Variants in CCND3 observed in about 807,000 individuals in gnomAD.
The protein encoded by CCND3 is G1/S-specific cyclin-D3.
Under a neutral mutation model 28.7 loss-of-function variants are expected in CCND3, and 9 were observed. The ratio of observed to expected loss-of-function variants is 0.31; its 90% CI spans 0.19 to 0.55. The LOEUF (loss-of-function observed/expected upper bound fraction) is 0.55, where lower values mean the gene tolerates loss of function less well. CCND3 is among the 20% of genes least tolerant of loss of function. CCND3 has a pLI of 0.93. For synonymous variants in CCND3, 164 were observed against 163.9 expected (o/e 1.00, Z 0.00); for missense variants, 315 against 385.8 (o/e 0.82, Z 1.54).
intron 1 of CCND3, among the ~76,000 whole-genome samples, chr6:42,010,020 C>A (rs1582158906): frequency 6.6e-6 from 1 of 152,128 alleles, no homozygotes; most frequent in South Asian, 2.1e-4. Flanking sequence ...GCTTGGAGAA[C>A]CTTTGTTCTA....
At chr6:41,959,427 G>T (rs1284175709) in intron 1 of CCND3, among the ~76,000 whole-genome samples, 2 of 149,256 alleles carry the variant, frequency 1.3e-5, no homozygotes, top group South Asian at 2.1e-4. Context: ...ACGCCTGTGA[G>T]CCAGGCCAGC....
At position 41,936,143 on chromosome 6, in the gene CCND3, C is replaced by T. The variant is rs563728371; in HGVS notation, c.712-36G>A. 10 of 1,530,802 alleles carry T rather than the reference C, an allele frequency of 6.5e-6. No individual in the cohort carries two copies. The East Asian group carries it at 1.6e-4, about 24-fold the overall frequency. 94.8% of individuals were successfully genotyped at this position (1,530,802 alleles called of 1,614,324 possible). A position where few individuals can be genotyped will look rare whatever the true frequency, so the allele number is the denominator to read the frequency against. On this transcript the variant is annotated intron_variant, in intron 4 of 4. Transcript: ENST00000372991. This position sits in a 1 kb window ranked among gnomAD's most constrained non-coding sequence, Gnocchi z 4.4. ...GGGAGAAGAGTGAGGAGCAAACACT[C>T]CCCCCATAGCATCTGGCAGCAGGTG... is the stretch of plus-strand genomic sequence containing the variant.
At chr6:41,998,423 A>G (rs1184162910) in intron 1 of CCND3, among the ~76,000 whole-genome samples, 5 of 146,286 alleles carry the variant, frequency 3.4e-5, no homozygotes, top group African/African-American at 7.6e-5. Flanking sequence ...ATCTCAGCTC[A>G]CCGCAACCTC....
At chr6:42,013,305 C>T (rs1162233514) in intron 1 of CCND3, among the ~76,000 whole-genome samples, 1 of 152,098 alleles carries the variant, frequency 6.6e-6, no homozygotes, top group Non-Finnish European at 1.5e-5. Flanking sequence ...CAACTTAAAC[C>T]ACGGTTTTCT....
At chr6:41,953,488 A>G (rs1321298930) in intron 1 of CCND3, among the ~76,000 whole-genome samples, 2 of 152,040 alleles carry the variant, frequency 1.3e-5, no homozygotes, top group Non-Finnish European at 2.9e-5. Flanking sequence ...CTGCAGTAGT[A>G]GGTAAATCCA....
At chr6:41,965,060 T>C (rs1470647056) in intron 1 of CCND3, among the ~76,000 whole-genome samples, 1 of 2,460 alleles carries the variant, frequency 4.1e-4, no homozygotes, top group Non-Finnish European at 4.2e-3. Flanking sequence ...TCACGTTGCT[T>C]TTTTTTTTTT....
upstream of CCND3, among the ~76,000 whole-genome samples, chr6:41,942,872 C>CTTTTTTTT (rs60884050): frequency 4.8e-5 from 4 of 82,580 alleles, no homozygotes; most frequent in Non-Finnish European, 6.7e-5. Context: ...GTTAATTATT[C>CTTTTTTTT]TTTTTTTTTT....
chr6:42,031,000 C>T (rs1764025926), intron 1 of CCND3, among the ~76,000 whole-genome samples: 1 of 152,080 alleles, frequency 6.6e-6, no homozygotes, highest in African/African-American at 2.4e-5. Context: ...GGAGCTCATT[C>T]TCCTGGGGGC....
intron 1 of CCND3, among the ~76,000 whole-genome samples, chr6:42,027,439 CA>C (rs5875782): frequency 1.1e-3 from 139 of 132,196 alleles, no homozygotes; most frequent in South Asian, 2.7e-3. Context: ...GGCTCCATCT[CA>C]AAAAAAAAAA....
At chr6:41,995,692 T>C (rs1490160145) in intron 1 of CCND3, among the ~76,000 whole-genome samples, 1 of 152,182 alleles carries the variant, frequency 6.6e-6, no homozygotes, top group Admixed American at 6.5e-5. Flanking sequence ...CACTGAGTTG[T>C]CTTTGGGCAT....
At chr6:41,992,525 T>C (rs1393402946) in intron 1 of CCND3, among the ~76,000 whole-genome samples, 1 of 141,178 alleles carries the variant, frequency 7.1e-6, no homozygotes, top group Non-Finnish European at 1.5e-5. Flanking sequence ...AGTGGCTCAC[T>C]GCAACCTCCA....
chr6:41,949,903 G>A (rs191505596), intron 1 of CCND3, among the ~76,000 whole-genome samples: 1 of 150,710 alleles, frequency 6.6e-6, no homozygotes, highest in Admixed American at 6.6e-5. Flanking sequence ...GACCATCCTG[G>A]CTAACACGAT....
Position 41,941,139 on chromosome 6 carries a change from G to A in CCND3, c.198+313C>T. ...AGGCGCGCTCTCCGGAGAAGGCCGG[G>A]AGGCGGAGGGAAGCGGGAGACGCTG... is the stretch of plus-strand genomic sequence containing the variant. On this transcript the variant is annotated intron_variant, in intron 1 of 4. Transcript: ENST00000372991. The surrounding 1 kb of genome is among the most constrained non-coding windows in gnomAD (Gnocchi z 6.1). 1 of 1,480,922 alleles carries A rather than the reference G, an allele frequency of 6.8e-7. No homozygotes were observed. Among genetic ancestry groups the A allele is most frequent in the South Asian group, 1.4e-5 (1 of 72,270 alleles). The allele number at this position is 1,480,922 out of a possible 1,614,324, so 91.7% of individuals were successfully genotyped here.
chr6:41,985,032 T>TTA (rs1401778565), intron 1 of CCND3, among the ~76,000 whole-genome samples: 3 of 152,208 alleles, frequency 2.0e-5, no homozygotes, highest in African/African-American at 7.2e-5. Flanking sequence ...CATAAGTTCC[T>TTA]TATATATTTT....
intron 1 of CCND3, among the ~76,000 whole-genome samples, chr6:41,959,584 G>A (rs1227421188): frequency 6.7e-6 from 1 of 148,528 alleles, no homozygotes; most frequent in Admixed American, 6.7e-5. Context: ...CTCGGGATGG[G>A]GGCTGAGGCA....
chr6:42,009,450 A>G (rs1244203742), intron 1 of CCND3, among the ~76,000 whole-genome samples: 2 of 152,148 alleles, frequency 1.3e-5, no homozygotes, highest in Non-Finnish European at 2.9e-5. Context: ...TGTCTCTACT[A>G]AAAATACAAA....
At chr6:41,956,514 A>C (rs1397646098) in intron 1 of CCND3, among the ~76,000 whole-genome samples, 1 of 152,096 alleles carries the variant, frequency 6.6e-6, no homozygotes, top group Non-Finnish European at 1.5e-5. Flanking sequence ...CCCTGCTTGC[A>C]ACTTACACAT....
chr6:41,978,955 T>C (rs2127411232), intron 1 of CCND3, among the ~76,000 whole-genome samples: 1 of 151,356 alleles, frequency 6.6e-6, no homozygotes, highest in South Asian at 2.1e-4. Context: ...GCGGATTACC[T>C]GAGGTCAGGA....
rs201272551 is a variant in CCND3 at position 41,936,624 on chromosome 6, C to T, written c.646G>A (p.Gly216Ser). ...TCATCCCCGGACATGGAGCAGGCACCCAGGCCTTGCACTGCAGCCCCAATG... is the reference window on the plus strand; with the variant it reads ...TCATCCCCGGACATGGAGCAGGCACTCAGGCCTTGCACTGCAGCCCCAATG... ...GSIGAAVQGL[G>S]ACSMSGDELT... The change falls in exon 4 of 5, where the codon GGT (glycine) becomes AGT (serine). Residue 216 changes from glycine (G) to serine (S), a missense_variant. Physicochemically the swap from Gly to Ser is moderately conservative, Grantham distance 56 (BLOSUM62 0). Coordinates refer to ENST00000372991, the MANE Select transcript of CCND3 (RefSeq NM_001760.5). The surrounding 1 kb of genome is among the most constrained non-coding windows in gnomAD (Gnocchi z 4.4). The T allele has an allele frequency of 3.7e-6, 6 of 1,614,172 alleles. No homozygotes were observed. Among genetic ancestry groups the T allele is most frequent in the Middle Eastern group, 1.6e-4 (1 of 6,062 alleles).
Sources: gnomAD v4.1 joint callset for allele counts (sites outside exome capture counted in the v4.1 genomes callset) on GRCh38, gnomAD v4.1.1 for gene constraint, Gnocchi (gnomAD v3.1) non-coding constraint, MANE v1.5 for transcripts, NCBI Gene and HGNC (gene_info 2026-07-23, HGNC 2026-07-21) for gene names.